DCAF8L2: variants seen among roughly 807,000 people sequenced by gnomAD.
DCAF8L2 encodes DDB1- and CUL4-associated factor 8-like protein 2.
For synonymous variants in DCAF8L2, 200 were observed against 190.9 expected, an observed-to-expected ratio of 1.05 and a Z score of -0.39; for missense variants, 430 against 490.7, an observed-to-expected ratio of 0.88 and a Z score of 1.17.
At chrX:27,483,954 A>G in the DCAF8L2 span, among the ~76,000 whole-genome samples, 1 of 111,538 alleles carries the variant, frequency 9.0e-6, no homozygotes, top group Non-Finnish European at 1.9e-5. Context: ...ACTTTAAATG[A>G]GTGTATAGGA....
At chrX:27,509,387 T>C in the DCAF8L2 span, among the ~76,000 whole-genome samples, 7 of 112,197 alleles carry the variant, frequency 6.2e-5, no homozygotes, top group Admixed American at 1.9e-4. Context: ...AACTGCTGTC[T>C]GTTTAAAAAC....
At chrX:27,533,051 TG>T in the DCAF8L2 span, among the ~76,000 whole-genome samples, 1 of 100,297 alleles carries the variant, frequency 1.0e-5, no homozygotes, top group Non-Finnish European at 2.0e-5. Flanking sequence ...CCCTCCAGCC[TG>T]AGTAATAGAG....
the DCAF8L2 span, among the ~76,000 whole-genome samples, chrX:27,482,649 A>C: frequency 4.8e-4 from 54 of 111,889 alleles, no homozygotes; most frequent in Non-Finnish European, 2.3e-4. Flanking sequence ...GCTCCTTTAC[A>C]AAAAATACTA....
the DCAF8L2 span, among the ~76,000 whole-genome samples, chrX:27,548,754 A>T: frequency 1.8e-5 from 2 of 112,058 alleles, no homozygotes; most frequent in African/African-American, 6.5e-5. Flanking sequence ...AGAGATAACA[A>T]TCACAATAAT....
intron 1 of DCAF8L2, among the ~76,000 whole-genome samples, chrX:27,590,667 C>T (rs922367285): frequency 1.3e-4 from 14 of 110,769 alleles, no homozygotes; most frequent in African/African-American, 4.6e-4. Context: ...TTTTTAAACA[C>T]AATGCTGCAC....
At chrX:27,517,470 C>G in the DCAF8L2 span, among the ~76,000 whole-genome samples, 1 of 105,019 alleles carries the variant, frequency 9.5e-6, no homozygotes, top group Non-Finnish European at 1.9e-5. Flanking sequence ...ATTTGTCAGA[C>G]ATGCTAATTA....
the DCAF8L2 span, among the ~76,000 whole-genome samples, chrX:27,558,076 G>T: frequency 9.0e-5 from 10 of 111,292 alleles, no homozygotes; most frequent in East Asian, 2.0e-3. Context: ...CTGGCATGAC[G>T]CAGATCCTCA....
the DCAF8L2 span, among the ~76,000 whole-genome samples, chrX:27,560,457 C>T: frequency 9.0e-6 from 1 of 111,105 alleles, no homozygotes; most frequent in Non-Finnish European, 1.9e-5. Context: ...TTTTTATTCT[C>T]TTCCTTCAGC....
At chrX:27,515,332 T>C in the DCAF8L2 span, among the ~76,000 whole-genome samples, 1 of 112,317 alleles carries the variant, frequency 8.9e-6, no homozygotes, top group Non-Finnish European at 1.9e-5. Flanking sequence ...TATATGAACA[T>C]GTGCTCAAGA....
intron 2 of DCAF8L2, among the ~76,000 whole-genome samples, chrX:27,673,507 CA>C (rs57955039): frequency 0.08 from 4,349 of 54,217 alleles, 268 homozygotes; most frequent in African/African-American, 0.27. Context: ...GATTCCATCT[CA>C]AAAAAAAAAA....
intron 4 of DCAF8L2, among the ~76,000 whole-genome samples, chrX:27,740,279 A>T (rs904694486): frequency 9.0e-6 from 1 of 111,509 alleles, no homozygotes; most frequent in East Asian, 2.8e-4. Context: ...AATATATTCC[A>T]GACTTAACTA....
In DCAF8L2 at chrX:27,748,900, C is replaced by T; in HGVS notation, c.*109C>T. 6.4e-6 allele frequency: 6 copies of T among 935,153 alleles called. No homozygotes were observed. The highest frequency in any genetic ancestry group is 8.5e-6 in the Non-Finnish European group (6 of 702,331). The allele number at this position is 935,153 out of a possible 1,213,427, so 77.1% of individuals were successfully genotyped here. On this transcript the variant is annotated 3_prime_UTR_variant, in exon 5 of 5. Coordinates refer to ENST00000451261, the MANE Select transcript of DCAF8L2 (RefSeq NM_001353450.2). ...GATTAATAGATTTGCTTTTTGTCTTCTATTTTCCATAATATATGCTGAAAA... is the reference window on the plus strand; with the variant it reads ...GATTAATAGATTTGCTTTTTGTCTTTTATTTTCCATAATATATGCTGAAAA...
At chrX:27,631,416 G>T (rs755180896) in intron 1 of DCAF8L2, among the ~76,000 whole-genome samples, 1 of 112,065 alleles carries the variant, frequency 8.9e-6, no homozygotes, top group East Asian at 2.8e-4. Flanking sequence ...GAAAGAGAAA[G>T]AAATAAAATG....
chrX:27,501,840 C>T, the DCAF8L2 span, among the ~76,000 whole-genome samples: 1 of 110,503 alleles, frequency 9.0e-6, no homozygotes, highest in Non-Finnish European at 1.9e-5. Context: ...AGTGGAGAAT[C>T]GTGTTTTCAA....
chrX:27,724,961 C>T (rs1413356041), intron 4 of DCAF8L2, among the ~76,000 whole-genome samples: 1 of 110,836 alleles, frequency 9.0e-6, no homozygotes, highest in Non-Finnish European at 1.9e-5. Context: ...GGACTAACAG[C>T]TTGAATATTT....
Position 27,747,039 on chromosome X carries a change from G to T in DCAF8L2, c.144G>T (p.Val48=). ...ACATAGCGACCTCAGAGCTGAGTGT[G>T]ACAGTGACCGGAGATGGCAGTGATA... ...DIDIATSELS[V]TVTGDGSDSR... The change falls in exon 5 of 5, where the codon GTG becomes GTT. Residue 48 remains valine, a synonymous_variant. Coordinates refer to ENST00000451261, the MANE Select transcript of DCAF8L2 (RefSeq NM_001353450.2). 1 of 1,173,987 alleles carries T rather than the reference G, an allele frequency of 8.5e-7. No homozygotes were observed. The highest frequency in any genetic ancestry group is 1.1e-6 in the Non-Finnish European group (1 of 876,035).
intron 2 of DCAF8L2, among the ~76,000 whole-genome samples, chrX:27,638,627 G>T (rs1405723010): frequency 9.0e-6 from 1 of 111,589 alleles, no homozygotes; most frequent in East Asian, 2.8e-4. Context: ...GTTTAATAAA[G>T]GTATAAACAA....
intron 2 of DCAF8L2, among the ~76,000 whole-genome samples, chrX:27,640,885 T>C (rs754878836): frequency 2.5e-4 from 28 of 112,106 alleles, no homozygotes; most frequent in Non-Finnish European, 5.3e-4. Flanking sequence ...TATACATTTA[T>C]GTACATCTTG....
chrX:27,621,759 G>T (rs112884229), intron 1 of DCAF8L2, among the ~76,000 whole-genome samples: 4 of 111,430 alleles, frequency 3.6e-5, no homozygotes, highest in African/African-American at 1.3e-4. Flanking sequence ...TTGGGAGGCT[G>T]AGGCAGGAGG....
Sources: allele counts gnomAD v4.1 joint callset (sites outside exome capture counted in the v4.1 genomes callset), GRCh38; gene constraint gnomAD v4.1.1; transcripts MANE v1.5; gene names NCBI Gene and HGNC (gene_info 2026-07-23, HGNC 2026-07-21).